MYH14: variants seen among roughly 807,000 people sequenced by gnomAD.
MYH14 encodes the protein myosin heavy chain 14.
A neutral mutation model predicts 255.5 loss-of-function variants in MYH14; 123 were observed. The ratio of observed to expected loss-of-function variants is 0.48; its 90% CI spans 0.42 to 0.56. MYH14 has a LOEUF of 0.56. Among genes scored for constraint, MYH14 ranks in the 20% least tolerant of loss-of-function variants. MYH14 has a pLI of 0.00. For synonymous variants in MYH14, 1,095 were observed against 1,161.2 expected, an observed-to-expected ratio of 0.94 and a Z score of 1.16; for missense variants, 2,423 against 2,802.3, an observed-to-expected ratio of 0.86 and a Z score of 3.06.
intron 1 of MYH14, 34 bp from the exon 2 acceptor site, chr19:50,210,329 A>G: frequency 6.5e-7 from 1 of 1,549,352 alleles, no homozygotes; most frequent in South Asian, 1.2e-5. Flanking sequence ...ACGGAGCCCC[A>G]TCTGACCCCC....
chr19:50,296,487 GC>G (rs1454018315), intron 39 of MYH14, among the ~76,000 whole-genome samples: 1 of 152,110 alleles, frequency 6.6e-6, no homozygotes, highest in African/African-American at 2.4e-5. Context: ...CACGCCTGCG[GC>G]CCCAGCTACT....
intron 10 of MYH14, among the ~76,000 whole-genome samples, chr19:50,236,165 T>C (rs1045529078): frequency 1.2e-4 from 18 of 151,096 alleles, no homozygotes; most frequent in Middle Eastern, 3.2e-3. Flanking sequence ...AACCTCGTCT[T>C]TACAAAAAAC....
chr19:50,269,974 C>T (rs1237292199), intron 24 of MYH14, among the ~76,000 whole-genome samples: 2 of 152,128 alleles, frequency 1.3e-5, no homozygotes, highest in Non-Finnish European at 2.9e-5. Context: ...ATGTGTAATC[C>T]CGGCACTTTG....
chr19:50,240,587 T>TA (rs59598560), intron 10 of MYH14, among the ~76,000 whole-genome samples: 1,591 of 150,820 alleles, frequency 0.011, 27 homozygotes, highest in African/African-American at 0.035. Context: ...TCTGTCTCTT[T>TA]AAAAAAAAAT....
At chr19:50,299,894 G>A (rs1478597859) in intron 39 of MYH14, among the ~76,000 whole-genome samples, 1 of 152,116 alleles carries the variant, frequency 6.6e-6, no homozygotes, top group African/African-American at 2.4e-5. Context: ...GCAGTGAGCC[G>A]AGATCGTGCC....
Position 50,280,444 on chromosome 19 carries a change from T to A in MYH14, c.4290+61T>A. 1 of 1,460,206 alleles carries A rather than the reference T, an allele frequency of 6.8e-7. No homozygotes were observed. The highest frequency in any genetic ancestry group is 9.1e-7 in the Non-Finnish European group (1 of 1,097,930). The allele number at this position is 1,460,206 out of a possible 1,614,324, so 90.5% of individuals were successfully genotyped here. A position where few individuals can be genotyped will look rare whatever the true frequency, so the allele number is the denominator to read the frequency against. Reference sequence around the variant, plus strand: ...AGCCCCCCTCACTGCTCCTCCTGGGTTCCCCAGCTCAGGGATGGCCATGCT... The same window carrying A: ...AGCCCCCCTCACTGCTCCTCCTGGGATCCCCAGCTCAGGGATGGCCATGCT... On this transcript the variant is annotated intron_variant, in intron 32 of 42. Transcript: ENST00000642316. This position sits in a 1 kb window ranked among gnomAD's most constrained non-coding sequence, Gnocchi z 4.8.
chr19:50,241,111 G>A (rs2033874134), intron 10 of MYH14, among the ~76,000 whole-genome samples: 1 of 152,180 alleles, frequency 6.6e-6, no homozygotes, highest in Non-Finnish European at 1.5e-5. Flanking sequence ...AGGCGGCTGA[G>A]GGGTTGCACT....
chr19:50,291,469 T>C (rs1185710387), intron 36 of MYH14, among the ~76,000 whole-genome samples: 3 of 152,202 alleles, frequency 2.0e-5, no homozygotes, highest in African/African-American at 7.2e-5. Context: ...TTTGTATTTT[T>C]AGTAGAGACA....
rs780421182 is a variant in MYH14 at position 50,266,730 on chromosome 19, C to T, written c.2695-147C>T. The T allele has an allele frequency of 3.8e-5, 36 of 951,914 alleles. No homozygotes were observed. Among genetic ancestry groups the T allele is most frequent in the Non-Finnish European group, 5.6e-5 (35 of 625,854 alleles). 59.0% of individuals were successfully genotyped at this position (951,914 alleles called of 1,614,324 possible). A position where few individuals can be genotyped will look rare whatever the true frequency, so the allele number is the denominator to read the frequency against. On this transcript the variant is annotated intron_variant, in intron 22 of 42. Transcript: ENST00000642316. This position sits in a 1 kb window ranked among gnomAD's most constrained non-coding sequence, Gnocchi z 4.1. Reference sequence around the variant, plus strand: ...TGCCTGTACCTGTCAGTGTTCTAGGCCTGTGACCAGGGACTGTTGCCAAGG... The same window carrying T: ...TGCCTGTACCTGTCAGTGTTCTAGGTCTGTGACCAGGGACTGTTGCCAAGG...
rs1406225288 is a variant in MYH14 at position 50,232,612 on chromosome 19, A to C, written c.1114+542A>C. On this transcript the variant is annotated intron_variant, in intron 10 of 42. Coordinates refer to ENST00000642316, the MANE Select transcript of MYH14 (RefSeq NM_001145809.2). ...CTGTCTCAAAAAAAAAAAAAAAAAAAAAAACAAAAAGACCATGAGTGCCAT... is the reference window on the plus strand; with the variant it reads ...CTGTCTCAAAAAAAAAAAAAAAAAACAAAACAAAAAGACCATGAGTGCCAT... Among the ~76,000 whole-genome samples the C allele has an allele frequency of 5.2e-4, 78 of 151,068 alleles. 1 individual carries two copies. The highest frequency in any genetic ancestry group is 8.3e-4 in the Non-Finnish European group (56 of 67,640).
At position 50,250,756 on chromosome 19, in the gene MYH14, G is replaced by C. The variant is rs187402466; in HGVS notation, c.1830+68G>C. ...CAAGGGATCTCCACTGGCTACAGAT[G>C]GGGGGAGGGTGCAGAGGGAAAACAG... On this transcript the variant is annotated intron_variant, in intron 15 of 42. Transcript: ENST00000642316. This position sits in a 1 kb window ranked among gnomAD's most constrained non-coding sequence, Gnocchi z 5.4. The C allele has an allele frequency of 5.6e-5, 84 of 1,506,192 alleles. No individual in the cohort carries two copies. In the African/African-American group the frequency reaches 6.0e-4, roughly 11 times the overall value. The allele number at this position is 1,506,192 out of a possible 1,614,324, so 93.3% of individuals were successfully genotyped here. A position where few individuals can be genotyped will look rare whatever the true frequency, so the allele number is the denominator to read the frequency against.
intron 1 of MYH14, among the ~76,000 whole-genome samples, chr19:50,206,940 G>A (rs57612431): frequency 0.036 from 5,443 of 151,448 alleles, 321 homozygotes; most frequent in East Asian, 0.25. Flanking sequence ...GGGGCCGGGC[G>A]TAGTGGCTCA....
Position 50,276,546 on chromosome 19 carries a change from G to A in MYH14, c.3681-211G>A, listed in dbSNP as rs2035515330. Reference sequence around the variant, plus strand: ...TCCAGGAAGACTTTCCTGAGGAAGGGCCTTTTGGAAAAGGGTTTTGAAAGG... The same window carrying A: ...TCCAGGAAGACTTTCCTGAGGAAGGACCTTTTGGAAAAGGGTTTTGAAAGG... On this transcript the variant is annotated intron_variant, in intron 28 of 42. Coordinates refer to ENST00000642316, the MANE Select transcript of MYH14 (RefSeq NM_001145809.2). This position sits in a 1 kb window ranked among gnomAD's most constrained non-coding sequence, Gnocchi z 4.3. Among the ~76,000 whole-genome samples, 1 of 152,122 alleles carries A rather than the reference G, an allele frequency of 6.6e-6. No homozygotes were observed. Among genetic ancestry groups the A allele is most frequent in the African/African-American group, 2.4e-5 (1 of 41,426 alleles).
At chr19:50,244,191 C>T in intron 10 of MYH14, 51 bp from the exon 11 acceptor site, 2 of 1,529,986 alleles carry the variant, frequency 1.3e-6, no homozygotes, top group South Asian at 1.1e-5. Flanking sequence ...CCAGTTAAGA[C>T]CACACATCGG....
rs758424787 is a variant in MYH14, at chr19:50,309,092, C to T, written c.5875C>T (p.Arg1959Trp). The change falls in exon 42 of 43, where the codon CGG becomes TGG. Residue 1959 changes from arginine to tryptophan, a missense_variant. This residue lies in a region of MYH14 where 1,513 missense variants were observed against 1,674.8 expected (regional missense o/e 0.90). Transcript: ENST00000642316. ...GGCATCCCGGGCTCAGGCCGGCCGCCGGAGGCTGCAGCGTGAGCTGGAAGA... is the reference window on the plus strand; with the variant it reads ...GGCATCCCGGGCTCAGGCCGGCCGCTGGAGGCTGCAGCGTGAGCTGGAAGA... ...EEASRAQAGR[R>W]RLQRELEDVT... The T allele has an allele frequency of 2.5e-5, 40 of 1,613,764 alleles. No homozygotes were observed. Among genetic ancestry groups the T allele is most frequent in the Non-Finnish European group, 3.2e-5 (38 of 1,179,826 alleles).
chr19:50,245,467 G>A (rs1456954875), intron 11 of MYH14, among the ~76,000 whole-genome samples: 4 of 141,574 alleles, frequency 2.8e-5, no homozygotes, highest in East Asian at 2.3e-4. Flanking sequence ...AAGAAAGAAA[G>A]AAAAAGAAAA....
intron 16 of MYH14, among the ~76,000 whole-genome samples, chr19:50,253,435 T>C (rs933927903): frequency 4.2e-5 from 6 of 143,046 alleles, no homozygotes; most frequent in Non-Finnish European, 6.0e-5. Context: ...AGTGTGAGAC[T>C]CTGTCCCAAA....
rs10412634 is a variant in MYH14 at position 50,217,538 on chromosome 19, G to A, written c.406-77G>A. 0.62 allele frequency: 965,749 copies of A among 1,555,100 alleles called. 306,486 individuals are homozygous for A. The highest frequency in any genetic ancestry group is 0.65 in the Non-Finnish European group (735,234 of 1,127,028). On this transcript the variant is annotated intron_variant, in intron 2 of 42. Transcript: ENST00000642316. The stretch of plus-strand genomic sequence containing the variant: ...GATAGATGCCCTTGTGCAGTGCACG[G>A]CCTGCTCAGCAGCCCCATGACGCCT...
At chr19:50,205,857 T>A (rs959489896) in intron 1 of MYH14, among the ~76,000 whole-genome samples, 9 of 150,046 alleles carry the variant, frequency 6.0e-5, no homozygotes, top group African/African-American at 2.2e-4. Flanking sequence ...GGGCATTGAG[T>A]ACTGGGACTC....
Sources: allele counts gnomAD v4.1 joint callset (sites outside exome capture counted in the v4.1 genomes callset), GRCh38; gene constraint gnomAD v4.1.1; regional missense constraint gnomAD v4.1.1; non-coding constraint Gnocchi (gnomAD v3.1); transcripts MANE v1.5; gene names NCBI Gene and HGNC (gene_info 2026-07-23, HGNC 2026-07-21).